The following TRERF1 variants were observed in gnomAD, a reference collection of about 807,000 sequenced individuals.
The protein encoded by TRERF1 is transcriptional-regulating factor 1.
TRERF1 carries 27 observed loss-of-function variants against 122.9 expected under a neutral mutation model. The ratio of observed to expected loss-of-function variants is 0.22; its 90% CI spans 0.16 to 0.30. TRERF1 has a LOEUF of 0.30. Among genes scored for constraint, TRERF1 ranks in the 10% least tolerant of loss-of-function variants. The probability of loss-of-function intolerance (pLI) is 1.00; values close to 1 mark genes in which losing one functional copy is unlikely to be tolerated. For synonymous variants in TRERF1, 636 were observed against 641.7 expected (o/e 0.99, Z 0.13); for missense variants, 1,248 against 1,560.3 (o/e 0.80, Z 3.37).
intron 7 of TRERF1, 21 bp downstream of exon 7, chr6:42,264,683 C>T (rs778595170): frequency 1.4e-5 from 22 of 1,611,524 alleles, no homozygotes; most frequent in Middle Eastern, 1.7e-4. Flanking sequence ...TAGAAAGGAC[C>T]GGGAACTGGC....
chr6:42,353,690 G>A (rs928602455), intron 3 of TRERF1, among the ~76,000 whole-genome samples: 4 of 152,130 alleles, frequency 2.6e-5, no homozygotes, highest in Admixed American at 2.6e-4. Context: ...GTGTATTCAT[G>A]TACTGAAACA....
chr6:42,373,043 A>T (rs1774067271), intron 2 of TRERF1, among the ~76,000 whole-genome samples: 1 of 152,238 alleles, frequency 6.6e-6, no homozygotes, highest in Non-Finnish European at 1.5e-5. Flanking sequence ...CAGGGTACCC[A>T]TGCTATGGTT....
chr6:42,236,319 C>T (rs1177151413), exon 16 of TRERF1: 6 of 1,601,530 alleles, frequency 3.7e-6, no homozygotes, highest in Admixed American at 1.7e-5. Flanking sequence ...CCGGGGACTT[C>T]GGCACCTCAC....
At chr6:42,233,510 C>A (rs1471131631) in intron 16 of TRERF1, among the ~76,000 whole-genome samples, 1 of 152,162 alleles carries the variant, frequency 6.6e-6, no homozygotes, top group Non-Finnish European at 1.5e-5. Context: ...TGGTCTCGAT[C>A]TCCTGACCTT....
At chr6:42,295,415 A>G (rs1784933485) in intron 4 of TRERF1, among the ~76,000 whole-genome samples, 1 of 152,188 alleles carries the variant, frequency 6.6e-6, no homozygotes, top group East Asian at 1.9e-4. Context: ...TCTGGTGTCA[A>G]ATGTTAGCCG....
intron 2 of TRERF1, among the ~76,000 whole-genome samples, chr6:42,379,931 A>G (rs917029266): frequency 6.6e-6 from 1 of 152,236 alleles, no homozygotes; most frequent in African/African-American, 2.4e-5. Context: ...GGAGACAAAG[A>G]AAGAGTTAAA....
intron 13 of TRERF1, among the ~76,000 whole-genome samples, chr6:42,252,532 G>A (rs927611227): frequency 1.3e-5 from 2 of 152,158 alleles, no homozygotes; most frequent in Non-Finnish European, 2.9e-5. Flanking sequence ...CAGAAGATAG[G>A]GTCCCAGCAA....
chr6:42,271,222 C>T lies in TRERF1; in HGVS notation c.-258-1374G>A, dbSNP rs140583989. ...AAAAAAAGAGGTTCAATTTCTACAT[C>T]CTCAACTTGAAATTCTTTCTAGAAC... is the stretch of plus-strand genomic sequence containing the variant. On this transcript the variant is annotated intron_variant, in intron 4 of 17. Transcript: ENST00000372922. 2.6e-3 allele frequency among the ~76,000 whole-genome samples: 400 copies of T among 151,452 alleles called. 2 individuals carry two copies. The highest frequency in any genetic ancestry group is 8.7e-3 in the African/African-American group (359 of 41,278).
chr6:42,439,103 GCAATGCTTCTCCTT>G (rs1193014873), intron 2 of TRERF1, among the ~76,000 whole-genome samples: 2 of 152,222 alleles, frequency 1.3e-5, no homozygotes, highest in East Asian at 3.9e-4. Flanking sequence ...TAGAAAGATG[GCAATGCTTCTCCTT>G]CAACATCACT....
intron 9 of TRERF1, 85 bp from the exon 10 acceptor site, chr6:42,258,286 C>T: frequency 8.2e-7 from 1 of 1,225,986 alleles, no homozygotes; most frequent in East Asian, 2.4e-5. Context: ...ACCTAACCAG[C>T]CATAATAGAG....
chr6:42,318,778 C>A (rs1762916713), intron 3 of TRERF1, among the ~76,000 whole-genome samples: 1 of 152,212 alleles, frequency 6.6e-6, no homozygotes, highest in Non-Finnish European at 1.5e-5. Context: ...GCTGCAAGCC[C>A]AAAATATGTA....
chr6:42,267,902 T>C (rs1045125739), intron 5 of TRERF1, among the ~76,000 whole-genome samples: 2 of 152,208 alleles, frequency 1.3e-5, no homozygotes, highest in Non-Finnish European at 1.5e-5. Flanking sequence ...GTGAATCATT[T>C]AGGGCATGAT....
intron 8 of TRERF1, among the ~76,000 whole-genome samples, chr6:42,260,160 G>A (rs1323131075): frequency 6.6e-6 from 1 of 152,050 alleles, no homozygotes; most frequent in Admixed American, 6.5e-5. Flanking sequence ...AGCTGGGACC[G>A]AGACCTGTGA....
chr6:42,243,462 G>T, intron 14 of TRERF1, 101 bp from the exon 15 acceptor site: 1 of 804,138 alleles, frequency 1.2e-6, no homozygotes, highest in Non-Finnish European at 2.1e-6. Context: ...TAATAAACAA[G>T]TTTGTACAGT....
At chr6:42,371,681 G>A (rs1305959487) in intron 2 of TRERF1, among the ~76,000 whole-genome samples, 1 of 152,084 alleles carries the variant, frequency 6.6e-6, no homozygotes, top group East Asian at 2.0e-4. Context: ...TGTGACCTGT[G>A]TGAGGCCTTC....
chr6:42,431,541 C>G (rs560781532), intron 2 of TRERF1, among the ~76,000 whole-genome samples: 1 of 152,158 alleles, frequency 6.6e-6, no homozygotes, highest in Non-Finnish European at 1.5e-5. Context: ...CCCTGATACT[C>G]CAATTAGTGG....
chr6:42,347,404 G>A (rs1245651427), intron 3 of TRERF1, among the ~76,000 whole-genome samples: 1 of 152,202 alleles, frequency 6.6e-6, no homozygotes, highest in Non-Finnish European at 1.5e-5. Flanking sequence ...AAGAATTTAT[G>A]GTTCAGTTGA....
At chr6:42,432,654 C>T (rs923469990) in intron 2 of TRERF1, among the ~76,000 whole-genome samples, 1 of 151,982 alleles carries the variant, frequency 6.6e-6, no homozygotes, top group Non-Finnish European at 1.5e-5. Flanking sequence ...CCAGCCTGGC[C>T]AATATGGTGA....
At chr6:42,301,044 G>A (rs1185834085) in intron 3 of TRERF1, among the ~76,000 whole-genome samples, 1 of 152,136 alleles carries the variant, frequency 6.6e-6, no homozygotes, top group Non-Finnish European at 1.5e-5. Flanking sequence ...CAGACACAGA[G>A]AGATATAGAG....
Sources: gnomAD v4.1 joint callset for allele counts (sites outside exome capture counted in the v4.1 genomes callset) on GRCh38, gnomAD v4.1.1 for gene constraint, MANE v1.5 for transcripts, NCBI Gene and HGNC (gene_info 2026-07-23, HGNC 2026-07-21) for gene names.